NIPBL: variants seen among roughly 807,000 people sequenced by gnomAD.
NIPBL encodes the protein NIPBL cohesin loading factor.
Under a neutral mutation model 321.8 loss-of-function variants are expected in NIPBL, and 19 were observed. The ratio of observed to expected loss-of-function variants is 0.06; its 90% CI spans 0.04 to 0.09. The LOEUF (loss-of-function observed/expected upper bound fraction) is 0.09, where lower values mean the gene tolerates loss of function less well. Ranked by LOEUF, NIPBL falls within the 10% of genes least tolerant of loss-of-function variation. NIPBL has a pLI of 1.00. For missense variants in NIPBL, 2,210 were observed against 3,327.0 expected, an observed-to-expected ratio of 0.66 and a Z score of 8.26; for synonymous variants, 1,106 against 1,114.1, an observed-to-expected ratio of 0.99 and a Z score of 0.14.
At chr5:37,044,213 A>C in intron 34 of NIPBL, 134 bp from the exon 35 acceptor site, 1 of 763,148 alleles carries the variant, frequency 1.3e-6, no homozygotes, top group East Asian at 2.7e-5. Flanking sequence ...TGAAAAAAAA[A>C]CTCTAACAGA....
At chr5:37,000,765 T>C in intron 12 of NIPBL, 52 bp from the exon 13 acceptor site, 2 of 1,480,878 alleles carry the variant, frequency 1.4e-6, no homozygotes, top group South Asian at 2.3e-5. Context: ...AAAAATGGAA[T>C]TATTTTAAGT....
chr5:36,972,164 A>G (rs992240997), intron 8 of NIPBL, 123 bp downstream of exon 8: 1 of 687,606 alleles, frequency 1.5e-6, no homozygotes, highest in Non-Finnish European at 2.5e-6. Context: ...TAGAAAAAAA[A>G]ATAAACCTGT....
At chr5:36,936,647 T>G (rs566509578) in intron 1 of NIPBL, among the ~76,000 whole-genome samples, 3 of 152,154 alleles carry the variant, frequency 2.0e-5, no homozygotes, top group African/African-American at 7.2e-5. Flanking sequence ...CCCAGAATTC[T>G]CACTACCATC....
chr5:36,999,484 A>G (rs1423193553), intron 11 of NIPBL, among the ~76,000 whole-genome samples: 1 of 152,186 alleles, frequency 6.6e-6, no homozygotes, highest in Non-Finnish European at 1.5e-5. Flanking sequence ...CTTACTGCAG[A>G]CATTTCTAAT....
At chr5:36,924,775 CAG>C (rs1429675216) in intron 1 of NIPBL, among the ~76,000 whole-genome samples, 1 of 152,210 alleles carries the variant, frequency 6.6e-6, no homozygotes, top group Non-Finnish European at 1.5e-5. Context: ...GATTTTTCCT[CAG>C]ACTCTCATCT....
rs937120136 is a variant in NIPBL, at chr5:37,065,144, G to GA, written c.*260dup. The GA allele has an allele frequency of 4.5e-5, 22 of 484,866 alleles. No homozygotes were observed. Among genetic ancestry groups the GA allele is most frequent in the Non-Finnish European group, 5.1e-5 (14 of 272,610 alleles). 30.0% of individuals were successfully genotyped at this position (484,866 alleles called of 1,614,324 possible). ...TTTAACAAAAATTGTTTATATCTTGGAAAAAAAACTTTCTGTTTAAAAAAA... is the reference window on the plus strand; with the variant it reads ...TTTAACAAAAATTGTTTATATCTTGGAAAAAAAAACTTTCTGTTTAAAAAAA... On this transcript the variant is annotated 3_prime_UTR_variant, in exon 47 of 47. Transcript: ENST00000282516.
intron 1 of NIPBL, among the ~76,000 whole-genome samples, chr5:36,920,630 C>T (rs1469574270): frequency 6.6e-6 from 1 of 152,076 alleles, no homozygotes; most frequent in Admixed American, 6.5e-5. Context: ...ATATTATGTT[C>T]TTTGCTACTT....
intron 1 of NIPBL, among the ~76,000 whole-genome samples, chr5:36,920,223 A>G (rs1452603199): frequency 1.3e-5 from 2 of 152,232 alleles, no homozygotes; most frequent in Non-Finnish European, 2.9e-5. Flanking sequence ...TGATGATGAC[A>G]GAACTTGTAA....
chr5:37,032,385 ACG>A (rs1561187481), intron 32 of NIPBL, among the ~76,000 whole-genome samples: 1 of 98,986 alleles, frequency 1.0e-5, no homozygotes, highest in Non-Finnish European at 2.1e-5. Flanking sequence ...ATACATGTAT[ACG>A]TGTGTGTGTG....
chr5:36,885,363 G>C, intron 1 of NIPBL: 1 of 461,460 alleles, frequency 2.2e-6, no homozygotes, highest in Admixed American at 2.5e-5. Flanking sequence ...TGTTCCACCA[G>C]CTTCCGCGGC....
intron 1 of NIPBL, among the ~76,000 whole-genome samples, chr5:36,910,024 G>A (rs1405711086): frequency 1.3e-5 from 2 of 151,586 alleles, no homozygotes; most frequent in African/African-American, 4.9e-5. Context: ...TGCAGTGAGC[G>A]GAGATCACGC....
At chr5:36,955,371 A>G (rs915643309) in intron 2 of NIPBL, 101 bp from the exon 3 acceptor site, 2 of 997,244 alleles carry the variant, frequency 2.0e-6, no homozygotes, top group African/African-American at 3.2e-5. Context: ...AATTTGTCAC[A>G]TTGATATTTA....
intron 8 of NIPBL, among the ~76,000 whole-genome samples, chr5:36,973,415 G>A (rs1228293508): frequency 1.3e-5 from 2 of 151,440 alleles, no homozygotes; most frequent in Non-Finnish European, 2.9e-5. Context: ...TGTTACATAG[G>A]TATACATGTG....
chr5:36,879,160 A>G (rs1402884665), intron 1 of NIPBL, among the ~76,000 whole-genome samples: 1 of 152,332 alleles, frequency 6.6e-6, no homozygotes, highest in African/African-American at 2.4e-5. Context: ...AGGGATAAAC[A>G]TATTTTTACT....
intron 21 of NIPBL, among the ~76,000 whole-genome samples, chr5:37,011,870 T>G (rs1245035408): frequency 3.3e-5 from 5 of 152,152 alleles, no homozygotes; most frequent in Non-Finnish European, 7.3e-5. Flanking sequence ...AATCACAACT[T>G]AAAGCAAAAG....
intron 42 of NIPBL, among the ~76,000 whole-genome samples, chr5:37,055,068 G>T (rs151254425): frequency 1.1e-3 from 163 of 152,276 alleles, no homozygotes; most frequent in African/African-American, 3.6e-3. Context: ...GATAGTAGAG[G>T]CTGGGTGTGG....
At chr5:36,914,645 G>T (rs1748318764) in intron 1 of NIPBL, among the ~76,000 whole-genome samples, 1 of 152,174 alleles carries the variant, frequency 6.6e-6, no homozygotes, top group Admixed American at 6.5e-5. Context: ...ATATGCACAT[G>T]TGCCAAAATT....
chr5:36,887,504 A>G lies in NIPBL; in HGVS notation c.-80+10326A>G, dbSNP rs192915182. Among the ~76,000 whole-genome samples, 25 of 152,222 alleles carry G rather than the reference A, an allele frequency of 1.6e-4. 1 individual carries two copies. Among genetic ancestry groups the G allele is most frequent in the Non-Finnish European group, 3.1e-4 (21 of 67,984 alleles). On this transcript the variant is annotated intron_variant, in intron 1 of 46. Transcript: ENST00000282516. ...AGTAATTTTCTGGACATTTTATTCG[A>G]CCACCTCTCCCCCGACCCTTTCCTT...
intron 1 of NIPBL, among the ~76,000 whole-genome samples, chr5:36,903,440 T>G (rs2149536799): frequency 6.6e-6 from 1 of 152,246 alleles, no homozygotes; most frequent in South Asian, 2.1e-4. Context: ...GCCCCTCTTT[T>G]TAAACTTTAA....
Sources: allele counts gnomAD v4.1 joint callset (sites outside exome capture counted in the v4.1 genomes callset), GRCh38; gene constraint gnomAD v4.1.1; transcripts MANE v1.5; gene names NCBI Gene and HGNC (gene_info 2026-07-23, HGNC 2026-07-21).